SAMD3: variants seen among roughly 807,000 people sequenced by gnomAD.
SAMD3 encodes the protein sterile alpha motif domain containing 3.
A neutral mutation model predicts 58.5 loss-of-function variants in SAMD3; 63 were observed. The ratio of observed to expected loss-of-function variants is 1.08; its 90% CI spans 0.88 to 1.33. The LOEUF is 1.33. Among genes scored for constraint, SAMD3 ranks in the 40% most tolerant of loss-of-function variants. The pLI is 0.00. For synonymous variants in SAMD3, 220 were observed against 210.3 expected, an observed-to-expected ratio of 1.05 and a Z score of -0.40; for missense variants, 604 against 608.4, an observed-to-expected ratio of 0.99 and a Z score of 0.08.
At chr6:130,206,535 T>C (rs538330976) in intron 5 of SAMD3, among the ~76,000 whole-genome samples, 1 of 152,350 alleles carries the variant, frequency 6.6e-6, no homozygotes, top group Non-Finnish European at 1.5e-5. Context: ...TTTCTCACAA[T>C]AAACTCCCTT....
chr6:130,319,929 A>G (rs541817618), intron 1 of SAMD3, among the ~76,000 whole-genome samples: 29 of 152,288 alleles, frequency 1.9e-4, no homozygotes, highest in African/African-American at 6.7e-4. Context: ...GAAAAGAATC[A>G]GTAAACTTGA....
chr6:130,180,567 T>C (rs1288811993), intron 7 of SAMD3, among the ~76,000 whole-genome samples: 1 of 152,174 alleles, frequency 6.6e-6, no homozygotes, highest in Non-Finnish European at 1.5e-5. Context: ...CTAATCTAGA[T>C]CAGTAACTCT....
chr6:130,162,352 G>T, intron 8 of SAMD3: 1 of 691,936 alleles, frequency 1.4e-6, no homozygotes, highest in South Asian at 1.5e-5. Context: ...GAAGTAGTAA[G>T]ACGGCATGGT....
intron 2 of SAMD3, among the ~76,000 whole-genome samples, chr6:130,267,659 C>G (rs1420014013): frequency 6.6e-6 from 1 of 152,202 alleles, no homozygotes; most frequent in African/African-American, 2.4e-5. Flanking sequence ...CCTGCCTGAC[C>G]TAAGCCTGGT....
rs368546959 is a variant in SAMD3, at chr6:130,282,296, TAACA to T, written c.-188+30678_-188+30681del. On this transcript the variant is annotated intron_variant, in intron 2 of 13. Coordinates refer to the SAMD3 transcript ENST00000368134. ...TAAAGAGATGGTAGTCTTAAGGAGA[TAACA>T]AACAGAGGAAAACAAGAAGCAGAAA... 3.9e-3 allele frequency among the ~76,000 whole-genome samples: 595 copies of T among 152,232 alleles called. 6 individuals are homozygous for T. Among genetic ancestry groups the T allele is most frequent in the African/African-American group, 0.013 (558 of 41,530 alleles).
At position 130,205,601 on chromosome 6, in the gene SAMD3, G is replaced by A. The variant is rs185136260; in HGVS notation, c.383+3894C>T. Among the ~76,000 whole-genome samples, 561 of 152,278 alleles carry A rather than the reference G, an allele frequency of 3.7e-3. 2 individuals carry two copies. The highest frequency in any genetic ancestry group is 5.6e-3 in the Non-Finnish European group (380 of 68,026). ...TTACAGGCATGAGCCACCATGCTCAGCCCCAAGTTCCATTTTAAAGCTCCT... is the reference window on the plus strand; with the variant it reads ...TTACAGGCATGAGCCACCATGCTCAACCCCAAGTTCCATTTTAAAGCTCCT... On this transcript the variant is annotated intron_variant, in intron 5 of 11. Coordinates refer to ENST00000439090, the MANE Select transcript of SAMD3 (RefSeq NM_001017373.4).
chr6:130,344,915 C>T (rs939861828), intron 1 of SAMD3, among the ~76,000 whole-genome samples: 1 of 151,278 alleles, frequency 6.6e-6, no homozygotes, highest in African/African-American at 2.4e-5. Context: ...TTTCAGGACA[C>T]CTGCCCCCCT....
intron 2 of SAMD3, among the ~76,000 whole-genome samples, chr6:130,273,290 T>C (rs1353404896): frequency 1.3e-5 from 2 of 152,134 alleles, no homozygotes; most frequent in African/African-American, 4.8e-5. Flanking sequence ...AAGGTCTGTT[T>C]TGTTTGACAG....
At chr6:130,197,843 A>G (rs1794284113) in intron 5 of SAMD3, among the ~76,000 whole-genome samples, 1 of 152,160 alleles carries the variant, frequency 6.6e-6, no homozygotes, top group South Asian at 2.1e-4. Flanking sequence ...AGCCCAAGCT[A>G]AGCCATCATA....
intron 5 of SAMD3, among the ~76,000 whole-genome samples, chr6:130,199,998 G>A (rs1220258598): frequency 6.6e-6 from 1 of 152,074 alleles, no homozygotes; most frequent in Non-Finnish European, 1.5e-5. Context: ...ACCATGTCTT[G>A]GCAAAGATAG....
chr6:130,250,901 T>C (rs1038352921), intron 2 of SAMD3, among the ~76,000 whole-genome samples: 2 of 152,222 alleles, frequency 1.3e-5, no homozygotes, highest in East Asian at 1.9e-4. Context: ...GCTACAAACA[T>C]GCATGTACAA....
rs1171071322 is a variant in SAMD3, at chr6:130,205,551, ACCT to A, written c.383+3941_383+3943del. Among the ~76,000 whole-genome samples, 312 of 152,060 alleles carry A rather than the reference ACCT, an allele frequency of 2.1e-3. 2 individuals carry two copies. The highest frequency in any genetic ancestry group is 0.02 in the South Asian group (98 of 4,816). ...ACTCCTGACCTCAGGTGATCCACCCACCTCAGCCTCCCAGAGTGCTGGGATTAC... is the reference window on the plus strand; with the variant it reads ...ACTCCTGACCTCAGGTGATCCACCCACAGCCTCCCAGAGTGCTGGGATTAC... On this transcript the variant is annotated intron_variant, in intron 5 of 11. Coordinates refer to ENST00000439090, the MANE Select transcript of SAMD3 (RefSeq NM_001017373.4).
intron 2 of SAMD3, among the ~76,000 whole-genome samples, chr6:130,310,736 C>T (rs1776122840): frequency 6.6e-6 from 1 of 152,204 alleles, no homozygotes; most frequent in Non-Finnish European, 1.5e-5. Context: ...CTGCGTATCT[C>T]AGAGGCTTAA....
At chr6:130,279,341 T>C (rs1450009765) in intron 2 of SAMD3, among the ~76,000 whole-genome samples, 1 of 152,070 alleles carries the variant, frequency 6.6e-6, no homozygotes. Flanking sequence ...TGAGTTCTCA[T>C]GAGGTCTGAT....
chr6:130,211,276 A>AT lies in SAMD3; in HGVS notation c.270-1669dup, dbSNP rs762531402. ...TTCTTTCAATCAATTGCCAATCAGAATTTTTTTTTTTTTTTTTTTTTTTCT... is the reference window on the plus strand; with the variant it reads ...TTCTTTCAATCAATTGCCAATCAGAATTTTTTTTTTTTTTTTTTTTTTTTCT... On this transcript the variant is annotated intron_variant, in intron 4 of 11. Transcript: ENST00000439090. Among the ~76,000 whole-genome samples, 481 of 93,810 alleles carry AT rather than the reference A, an allele frequency of 5.1e-3. 10 individuals carry two copies. Among genetic ancestry groups the AT allele is most frequent in the East Asian group, 0.03 (124 of 4,146 alleles). 61.5% of individuals were successfully genotyped at this position (93,810 alleles called of 152,430 possible).
intron 4 of SAMD3, among the ~76,000 whole-genome samples, chr6:130,214,090 A>G (rs1795813526): frequency 6.6e-6 from 1 of 152,180 alleles, no homozygotes; most frequent in South Asian, 2.1e-4. Flanking sequence ...AGCATTTTAT[A>G]TAGAAACTCC....
intron 1 of SAMD3, among the ~76,000 whole-genome samples, chr6:130,344,952 C>A (rs763773691): frequency 4.0e-5 from 6 of 150,944 alleles, no homozygotes; most frequent in African/African-American, 7.3e-5. Flanking sequence ...ATCTCCTCTA[C>A]CAAAATGTCT....
intron 1 of SAMD3, among the ~76,000 whole-genome samples, chr6:130,334,558 G>A (rs1457700815): frequency 6.6e-6 from 1 of 152,156 alleles, no homozygotes; most frequent in Non-Finnish European, 1.5e-5. Flanking sequence ...TACTTGTTAA[G>A]GTCAGTAATC....
chr6:130,201,040 C>T (rs925051978), intron 5 of SAMD3, among the ~76,000 whole-genome samples: 6 of 152,142 alleles, frequency 3.9e-5, no homozygotes, highest in African/African-American at 9.7e-5. Context: ...TCCTCTTCTC[C>T]TCAGTAACAG....
Sources: allele counts gnomAD v4.1 joint callset (sites outside exome capture counted in the v4.1 genomes callset), GRCh38; gene constraint gnomAD v4.1.1; transcripts MANE v1.5; gene names NCBI Gene and HGNC (gene_info 2026-07-23, HGNC 2026-07-21).